Variants in MELK observed in about 807,000 individuals in gnomAD.
MELK encodes maternal embryonic leucine zipper kinase, also known as pEg3 kinase.
A neutral mutation model predicts 85.0 loss-of-function variants in MELK; 81 were observed. The ratio of observed to expected loss-of-function variants is 0.95; its 90% CI spans 0.80 to 1.15. The LOEUF is 1.15. Among genes scored for constraint, MELK ranks in the 50% most tolerant of loss-of-function variants. The probability of loss-of-function intolerance (pLI) is 0.00; values close to 1 mark genes in which losing one functional copy is unlikely to be tolerated. For missense variants in MELK, 754 were observed against 777.5 expected, an observed-to-expected ratio of 0.97 and a Z score of 0.36; for synonymous variants, 252 against 265.0, an observed-to-expected ratio of 0.95 and a Z score of 0.48.
intron 8 of MELK, among the ~76,000 whole-genome samples, chr9:36,616,177 A>G (rs1587448074): frequency 6.6e-6 from 1 of 152,174 alleles, no homozygotes; most frequent in Non-Finnish European, 1.5e-5. Context: ...CCCTTTGTAT[A>G]TACAGTAAAA....
At chr9:36,580,503 A>G (rs905197935) in intron 1 of MELK, among the ~76,000 whole-genome samples, 9 of 151,234 alleles carry the variant, frequency 6.0e-5, no homozygotes, top group Admixed American at 2.0e-4. Flanking sequence ...TATTTTTAGT[A>G]GAGACGGGTT....
chr9:36,615,497 C>G (rs987413956), intron 8 of MELK, among the ~76,000 whole-genome samples: 3 of 120,448 alleles, frequency 2.5e-5, no homozygotes, highest in Admixed American at 1.6e-4. Context: ...GGGGCTGACC[C>G]CCCCCCACCT....
rs1259248372 is a variant in MELK at position 36,677,257 on chromosome 9, A to G, written c.1876A>G (p.Ile626Val). Residue 626 changes from isoleucine (I) to valine (V), a missense_variant, in exon 18 of 18, where the codon ATC becomes GTC. Physicochemically the swap from Ile to Val is conservative, Grantham distance 29. Coordinates refer to ENST00000298048, the MANE Select transcript of MELK (RefSeq NM_014791.4). Reference protein sequence around the residue: ...CQLQKPDVVGIRRQRLKGDAW... With the variant: ...CQLQKPDVVGVRRQRLKGDAW... ...GCTTCAAAAACCCGATGTGGTGGGT[A>G]TCAGGAGGCAGCGGCTTAAGGGCGA... 6.8e-6 allele frequency: 11 copies of G among 1,614,076 alleles called. No individual in the cohort carries two copies. The highest frequency in any genetic ancestry group is 8.5e-6 in the Non-Finnish European group (10 of 1,180,020).
intron 13 of MELK, among the ~76,000 whole-genome samples, chr9:36,663,287 G>A (rs1483353086): frequency 6.6e-6 from 1 of 151,934 alleles, no homozygotes; most frequent in African/African-American, 2.4e-5. Context: ...CACCATGTTG[G>A]CCAGGCTGGT....
intron 7 of MELK, among the ~76,000 whole-genome samples, chr9:36,602,395 C>T (rs1322768844): frequency 1.4e-5 from 2 of 141,634 alleles, no homozygotes; most frequent in Admixed American, 1.5e-4. Flanking sequence ...GGGGTTGAGG[C>T]AGGAGAATCG....
At chr9:36,633,685 A>G (rs572525614) in intron 10 of MELK, among the ~76,000 whole-genome samples, 2 of 152,292 alleles carry the variant, frequency 1.3e-5, no homozygotes, top group Admixed American at 1.3e-4. Flanking sequence ...TAACACAAAT[A>G]TTTTTATGAA....
chr9:36,671,086 A>G lies in MELK; in HGVS notation c.1594A>G (p.Arg532Gly), dbSNP rs1832842984. 6.2e-7 allele frequency: 1 copy of G among 1,613,340 alleles called. No homozygotes were observed. The highest frequency in any genetic ancestry group is 8.5e-7 in the Non-Finnish European group (1 of 1,179,650). Residue 532 changes from arginine to glycine, a missense_variant, in exon 16 of 18, where the codon AGG (arginine) becomes GGG (glycine). Physicochemically the swap from Arg to Gly is moderately radical, Grantham distance 125. Coordinates refer to ENST00000298048, the MANE Select transcript of MELK (RefSeq NM_014791.4). ...AGCCAAAGTGTTTGGGAGCCTTGAAAGGGGGTTGGATAAGGTTATCACTGT... is the reference window on the plus strand; with the variant it reads ...AGCCAAAGTGTTTGGGAGCCTTGAAGGGGGGTTGGATAAGGTTATCACTGT... ...KGAKVFGSLE[R>G]GLDKVITVLT... is the part of the protein sequence containing the mutation.
At chr9:36,591,925 C>CA (rs528445875) in intron 4 of MELK, among the ~76,000 whole-genome samples, 27 of 143,666 alleles carry the variant, frequency 1.9e-4, no homozygotes, top group East Asian at 1.0e-3. Context: ...GACCCTGTCT[C>CA]AAAAAAAAAA....
intron 11 of MELK, among the ~76,000 whole-genome samples, chr9:36,649,253 AGCGC>A: frequency 6.6e-6 from 1 of 151,438 alleles, no homozygotes; most frequent in Non-Finnish European, 1.5e-5. Flanking sequence ...TTGGGAGGCC[AGCGC>A]GGGCAGATCA....
chr9:36,616,530 C>T (rs1826828414), intron 8 of MELK, among the ~76,000 whole-genome samples: 1 of 151,706 alleles, frequency 6.6e-6, no homozygotes, highest in South Asian at 2.1e-4. Context: ...GCTGGGATTA[C>T]AGGCTCCCAC....
intron 1 of MELK, among the ~76,000 whole-genome samples, chr9:36,580,832 G>A (rs559767885): frequency 6.6e-6 from 1 of 151,436 alleles, no homozygotes; most frequent in Non-Finnish European, 1.5e-5. Context: ...GGGTTCAAGC[G>A]ATTCTCCTGC....
chr9:36,636,161 T>G (rs1829120810), intron 10 of MELK, among the ~76,000 whole-genome samples: 1 of 152,130 alleles, frequency 6.6e-6, no homozygotes, highest in South Asian at 2.1e-4. Context: ...GGATATTTTG[T>G]GTATTAGTTA....
intron 7 of MELK, among the ~76,000 whole-genome samples, chr9:36,602,441 G>C (rs1278015182): frequency 8.2e-6 from 1 of 122,080 alleles, no homozygotes; most frequent in East Asian, 2.8e-4. Context: ...AGTGAGCCGA[G>C]ATTGTATCAT....
intron 7 of MELK, among the ~76,000 whole-genome samples, chr9:36,601,533 C>G (rs1350737413): frequency 1.3e-5 from 2 of 152,116 alleles, no homozygotes; most frequent in Non-Finnish European, 2.9e-5. Context: ...TTATCATAGT[C>G]CTGGAATCAT....
At chr9:36,590,070 C>T (rs1209333408) in intron 4 of MELK, among the ~76,000 whole-genome samples, 1 of 151,822 alleles carries the variant, frequency 6.6e-6, no homozygotes, top group Non-Finnish European at 1.5e-5. Context: ...TACAGGCGCC[C>T]ACCACCATGC....
At chr9:36,595,388 G>A (rs184648651) in intron 5 of MELK, among the ~76,000 whole-genome samples, 46 of 151,896 alleles carry the variant, frequency 3.0e-4, no homozygotes, top group East Asian at 2.7e-3. Context: ...TGCCCACCTC[G>A]GCCTCCCAAA....
intron 12 of MELK, 54 bp downstream of exon 12, chr9:36,651,931 T>C: frequency 6.6e-7 from 1 of 1,506,342 alleles, no homozygotes; most frequent in South Asian, 1.4e-5. Context: ...TTCCTGAGTG[T>C]GTATACCACT....
At position 36,669,395 on chromosome 9, in the gene MELK, C is replaced by T; in HGVS notation, c.1494C>T (p.Ser498=). The part of the protein sequence containing the change: ...GTDKLMTGVI[S]PERRCRSVEL... ...ACAAGTTAATGACAGGTGTCATTAG[C>T]CCTGAGAGGCGGTAAGTGTTTGGTT... Residue 498 remains serine, a synonymous_variant, in exon 15 of 18, where the codon AGC becomes AGT. Transcript: ENST00000298048. The T allele has an allele frequency of 6.3e-7, 1 of 1,596,420 alleles. No individual in the cohort carries two copies. Among genetic ancestry groups the T allele is most frequent in the South Asian group, 1.1e-5 (1 of 87,080 alleles).
intron 1 of MELK, among the ~76,000 whole-genome samples, chr9:36,574,995 G>A (rs1461873540): frequency 1.3e-5 from 2 of 152,068 alleles, no homozygotes; most frequent in Admixed American, 6.6e-5. Context: ...AATTAGCCGG[G>A]CGTGGTGGCG....
Sources: allele counts gnomAD v4.1 joint callset (sites outside exome capture counted in the v4.1 genomes callset), GRCh38; gene constraint gnomAD v4.1.1; transcripts MANE v1.5; gene names NCBI Gene and HGNC (gene_info 2026-07-23, HGNC 2026-07-21).